Variants in TMPRSS9 observed in about 807,000 individuals in gnomAD.
The protein encoded by TMPRSS9 is transmembrane protease serine 9.
A neutral mutation model predicts 111.4 loss-of-function variants in TMPRSS9; 113 were observed. That is an observed-to-expected ratio of 1.01 (90% CI 0.87 to 1.19). The LOEUF is 1.19. Ranked by LOEUF, TMPRSS9 falls within the 50% of genes most tolerant of loss-of-function variation. The pLI, the probability that TMPRSS9 is intolerant of heterozygous loss-of-function variation, is 0.00. For synonymous variants in TMPRSS9, 805 were observed against 659.1 expected, an observed-to-expected ratio of 1.22 and a Z score of -3.39; for missense variants, 1,803 against 1,513.1, an observed-to-expected ratio of 1.19 and a Z score of -3.18.
At position 2,413,790 on chromosome 19, in the gene TMPRSS9, G is replaced by A. The variant is rs147023760; in HGVS notation, c.1345G>A (p.Ala449Thr). Residue 449 changes from alanine (A) to threonine (T), a missense_variant, in exon 10 of 18, where the codon GCC becomes ACC. Coordinates refer to ENST00000648592, the Ensembl canonical transcript of TMPRSS9. ...GAGCTGGGGAATCGGGTGTGCGGAAGCCCGGCGTCCAGGGGTCTATGCCCG... is the reference window on the plus strand; with the variant it reads ...GAGCTGGGGAATCGGGTGTGCGGAAACCCGGCGTCCAGGGGTCTATGCCCG... 3,668 of 1,613,834 alleles carry A rather than the reference G, an allele frequency of 2.3e-3. 77 individuals are homozygous for A. The African/African-American group carries it at 0.043, about 19-fold the overall frequency.
At chr19:2,392,982 C>T (rs1018658747) in intron 1 of TMPRSS9, among the ~76,000 whole-genome samples, 1 of 152,136 alleles carries the variant, frequency 6.6e-6, no homozygotes, top group Non-Finnish European at 1.5e-5. Flanking sequence ...CCAATCAGCA[C>T]CCTGCGTCTA....
At chr19:2,396,439 G>A (rs1970708369) in intron 1 of TMPRSS9, 100 bp from the exon 3 acceptor site, 3 of 1,400,398 alleles carry the variant, frequency 2.1e-6, no homozygotes, top group Admixed American at 4.9e-5. Flanking sequence ...GTGACCACCA[G>A]GGTGTGTGAG....
chr19:2,390,226 A>C (rs1970555957), intron 1 of TMPRSS9, among the ~76,000 whole-genome samples: 1 of 149,018 alleles, frequency 6.7e-6, no homozygotes, highest in Non-Finnish European at 1.5e-5. Flanking sequence ...AAAATACCCA[A>C]AGTAGTTTTT....
At chr19:2,402,002 G>T (rs997683055) in exon 5 of TMPRSS9, 1 of 1,611,678 alleles carries the variant, frequency 6.2e-7, no homozygotes, top group Middle Eastern at 1.7e-4. Flanking sequence ...TTGGCAGAAA[G>T]AGACTTCAAA....
intron 1 of TMPRSS9, among the ~76,000 whole-genome samples, chr19:2,393,463 C>G (rs1274811951): frequency 6.6e-6 from 1 of 152,162 alleles, no homozygotes; most frequent in South Asian, 2.1e-4. Context: ...TCAGCAAGAA[C>G]AAACTCCGGA....
At chr19:2,405,058 C>G (rs1599298982) in intron 6 of TMPRSS9, among the ~76,000 whole-genome samples, 1 of 151,964 alleles carries the variant, frequency 6.6e-6, no homozygotes, top group African/African-American at 2.4e-5. Context: ...AATAAGCAGA[C>G]AGACACAATA....
At chr19:2,423,812 G>A (rs1290069442) in intron 14 of TMPRSS9, among the ~76,000 whole-genome samples, 4 of 152,040 alleles carry the variant, frequency 2.6e-5, no homozygotes, top group African/African-American at 9.7e-5. Flanking sequence ...CGGAGATGTG[G>A]GAGGCTGCCA....
exon 14 of TMPRSS9, chr19:2,422,098 G>C: frequency 6.2e-7 from 1 of 1,606,538 alleles, no homozygotes; most frequent in Non-Finnish European, 8.5e-7. Context: ...ACAGTCCCGG[G>C]GGCCACACCC....
intron 1 of TMPRSS9, among the ~76,000 whole-genome samples, chr19:2,379,191 T>TTC (rs1441318358): frequency 7.0e-6 from 1 of 143,088 alleles, no homozygotes; most frequent in East Asian, 2.0e-4. Flanking sequence ...CTTTTTTTTT[T>TTC]TTTTTTTTTT....
rs549684717 is a variant in TMPRSS9 at position 2,365,222 on chromosome 19, T to C, written c.-26+4862T>C. Among the ~76,000 whole-genome samples, 4 of 152,244 alleles carry C rather than the reference T, an allele frequency of 2.6e-5. No individual in the cohort carries two copies. In the South Asian group the frequency reaches 8.3e-4, roughly 32 times the overall value. On this transcript the variant is annotated intron_variant, in intron 1 of 17. Coordinates refer to the TMPRSS9 transcript ENST00000649857. ...TCCCTCCCACACGATTACTGACTCC[T>C]TTCTCCTCTGTCCACATTATAAAGC...
At chr19:2,363,803 T>TGTGTGTGTGTGTGTGCGC (rs1432791076) in intron 1 of TMPRSS9, among the ~76,000 whole-genome samples, 57 of 116,596 alleles carry the variant, frequency 4.9e-4, no homozygotes, top group African/African-American at 1.8e-3. Context: ...TGTGTGTGTG[T>TGTGTGTGTGTGTGTGCGC]GCGTGCGCGC....
chr19:2,426,189 G>T (rs187128143), exon 18 of TMPRSS9: 8 of 943,116 alleles, frequency 8.5e-6, no homozygotes, highest in East Asian at 4.9e-5. Flanking sequence ...GGACGGGTGT[G>T]GGGGGGCTGT....
At chr19:2,425,147 C>A in exon 16 of TMPRSS9, 2 of 1,576,954 alleles carry the variant, frequency 1.3e-6, no homozygotes, top group Non-Finnish European at 1.7e-6. Flanking sequence ...GCTGCTGGAG[C>A]TGGCGGGGCC....
At chr19:2,414,941 A>ATTT (rs909082554) in intron 10 of TMPRSS9, among the ~76,000 whole-genome samples, 1 of 127,158 alleles carries the variant, frequency 7.9e-6, no homozygotes, top group African/African-American at 2.9e-5. Context: ...TTGCATTCCT[A>ATTT]TTTTTTTTTT....
intron 1 of TMPRSS9, among the ~76,000 whole-genome samples, chr19:2,394,136 G>C (rs1379651207): frequency 6.6e-6 from 1 of 152,138 alleles, no homozygotes; most frequent in Non-Finnish European, 1.5e-5. Context: ...CCAGGAGGCA[G>C]AGGTTGCACT....
chr19:2,420,336 G>GT (rs1568191603), intron 13 of TMPRSS9, among the ~76,000 whole-genome samples: 1 of 151,666 alleles, frequency 6.6e-6, no homozygotes, highest in African/African-American at 2.4e-5. Context: ...TAGCTACTCC[G>GT]GAGGCTGAGG....
chr19:2,413,953 C>G, exon 10 of TMPRSS9: 1 of 1,611,854 alleles, frequency 6.2e-7, no homozygotes, highest in Non-Finnish European at 8.5e-7. Context: ...GTCAGCACCC[C>G]CACCAAATCG....
chr19:2,385,186 C>CGAGGGG (rs1970452638), upstream of TMPRSS9, among the ~76,000 whole-genome samples: 1 of 22,192 alleles, frequency 4.5e-5, no homozygotes, highest in African/African-American at 2.9e-4. Context: ...GGGCGGGGCT[C>CGAGGGG]GCGGGGGCGG....
At chr19:2,410,169 G>A in intron 8 of TMPRSS9, 89 bp from the exon 10 acceptor site, 2 of 1,557,254 alleles carry the variant, frequency 1.3e-6, no homozygotes, top group Non-Finnish European at 1.7e-6. Context: ...AGGGAGGCTT[G>A]GAGAGGAGCT....
Sources: allele counts gnomAD v4.1 joint callset (sites outside exome capture counted in the v4.1 genomes callset), GRCh38; gene constraint gnomAD v4.1.1; transcripts MANE v1.5; gene names NCBI Gene and HGNC (gene_info 2026-07-23, HGNC 2026-07-21).